Variants in SEMA5A observed in about 807,000 individuals in gnomAD.
The protein encoded by SEMA5A is semaphorin 5A.
A neutral mutation model predicts 135.5 loss-of-function variants in SEMA5A; 55 were observed. That is an observed-to-expected ratio of 0.41 (90% CI 0.33 to 0.51). The LOEUF is 0.51. SEMA5A is among the 20% of genes least tolerant of loss of function. SEMA5A has a pLI of 0.37. For missense variants in SEMA5A, 1,290 were observed against 1,419.9 expected, an observed-to-expected ratio of 0.91 and a Z score of 1.47; for synonymous variants, 580 against 546.5, an observed-to-expected ratio of 1.06 and a Z score of -0.85.
In SEMA5A at chr5:9,037,907, T is replaced by C. The variant is rs1229460337; in HGVS notation, c.*4990A>G. The stretch of plus-strand genomic sequence containing the variant: ...TGTCCCCAAACATTTTATCTTACAT[T>C]GTGCATGGCATTCCCTTTTATGCGT... On this transcript the variant is annotated 3_prime_UTR_variant, in exon 23 of 23. Transcript: ENST00000382496. 6.6e-6 allele frequency: 1 copy of C among 152,200 alleles called. No homozygotes were observed. The highest frequency in any genetic ancestry group is 1.5e-5 in the Non-Finnish European group (1 of 68,032). 9.4% of individuals were successfully genotyped at this position (152,200 alleles called of 1,614,324 possible).
intron 3 of SEMA5A, among the ~76,000 whole-genome samples, chr5:9,356,556 G>A (rs1459330374): frequency 6.6e-6 from 1 of 152,200 alleles, no homozygotes; most frequent in Non-Finnish European, 1.5e-5. Context: ...CAAGTTCAAA[G>A]GGACTTGTGT....
At chr5:9,410,871 AG>A (rs1757081624) in intron 2 of SEMA5A, among the ~76,000 whole-genome samples, 1 of 145,340 alleles carries the variant, frequency 6.9e-6, no homozygotes, top group African/African-American at 2.6e-5. Flanking sequence ...GAATAAAAGC[AG>A]GAAAAAAAAA....
chr5:9,446,902 C>T (rs3798023), intron 1 of SEMA5A, among the ~76,000 whole-genome samples: 27 of 152,270 alleles, frequency 1.8e-4, no homozygotes, highest in East Asian at 1.5e-3. Flanking sequence ...CATAGAAGAG[C>T]GAAATGCCGG....
chr5:9,122,814 C>T lies in SEMA5A; in HGVS notation c.1623G>A (p.Gly541=), dbSNP rs6894626. The T allele has an allele frequency of 0.083, 132,560 of 1,603,736 alleles. 9,957 individuals are homozygous for T. Among genetic ancestry groups the T allele is most frequent in the East Asian group, 0.35 (15,450 of 44,446 alleles). Reference sequence around the variant, plus strand: ...TCCACGGAGACCACACACCAAAGTGCCCATCCACGGTGAGATTCCTGGTCT... The same window carrying T: ...TCCACGGAGACCACACACCAAAGTGTCCATCCACGGTGAGATTCCTGGTCT... ...ACPTRNLTVD[G]HFGVWSPWTP... is the part of the protein sequence containing the mutation. Residue 541 remains glycine, a synonymous_variant, in exon 14 of 23, where the codon GGG becomes GGA. Coordinates refer to ENST00000382496, the MANE Select transcript of SEMA5A (RefSeq NM_003966.3).
chr5:9,346,677 C>G (rs1753885001), intron 3 of SEMA5A, among the ~76,000 whole-genome samples: 1 of 152,156 alleles, frequency 6.6e-6, no homozygotes, highest in Non-Finnish European at 1.5e-5. Flanking sequence ...GGAACTCACC[C>G]CTGCTAGTGC....
chr5:9,181,897 C>A (rs1238776425), intron 11 of SEMA5A, among the ~76,000 whole-genome samples: 1 of 151,886 alleles, frequency 6.6e-6, no homozygotes, highest in African/African-American at 2.4e-5. Flanking sequence ...GCCGCAGAGT[C>A]CCTCATCTAT....
chr5:9,404,365 TAAG>T (rs1756792831), intron 2 of SEMA5A, among the ~76,000 whole-genome samples: 2 of 152,208 alleles, frequency 1.3e-5, no homozygotes, highest in Admixed American at 6.5e-5. Context: ...GAAGTTAGAT[TAAG>T]AAGACATCAA....
intron 22 of SEMA5A, 167 bp from the exon 23 acceptor site, chr5:9,043,183 G>A: frequency 1.7e-6 from 1 of 604,162 alleles, no homozygotes. Context: ...GCCCCATGGA[G>A]GACTTGCCTA....
intron 10 of SEMA5A, among the ~76,000 whole-genome samples, chr5:9,190,715 TA>T (rs956006028): frequency 1.5e-4 from 22 of 151,654 alleles, no homozygotes; most frequent in Admixed American, 4.6e-4. Context: ...GATCAGAAGT[TA>T]AAAAAAAATT....
At position 9,131,630 on chromosome 5, in the gene SEMA5A, A is replaced by C. The variant is rs59186402; in HGVS notation, c.1599+4874T>G. On this transcript the variant is annotated intron_variant, in intron 13 of 22. Transcript: ENST00000382496. Reference sequence around the variant, plus strand: ...CTCAAAAAAAAAAAAAAAAAAAAAAAAAAAAAAAAAAAAAAAAAAAAAAAA... The same window carrying C: ...CTCAAAAAAAAAAAAAAAAAAAAAACAAAAAAAAAAAAAAAAAAAAAAAAA... 8.4e-4 allele frequency among the ~76,000 whole-genome samples: 67 copies of C among 80,116 alleles called. 3 individuals are homozygous for C. The highest frequency in any genetic ancestry group is 5.1e-3 in the Middle Eastern group (1 of 198). The allele number at this position is 80,116 out of a possible 152,430, so 52.6% of individuals were successfully genotyped here. A position where few individuals can be genotyped will look rare whatever the true frequency, so the allele number is the denominator to read the frequency against.
At chr5:9,267,434 T>C (rs1461989007) in intron 5 of SEMA5A, among the ~76,000 whole-genome samples, 1 of 152,174 alleles carries the variant, frequency 6.6e-6, no homozygotes, top group Non-Finnish European at 1.5e-5. Flanking sequence ...TTAAACTGAG[T>C]GACATCAATC....
At chr5:9,050,856 G>A (rs1475298074) in intron 20 of SEMA5A, among the ~76,000 whole-genome samples, 14 of 152,178 alleles carry the variant, frequency 9.2e-5, no homozygotes, top group Admixed American at 4.6e-4. Flanking sequence ...TCACCTTCCC[G>A]GCAGAGGGAG....
intron 14 of SEMA5A, among the ~76,000 whole-genome samples, chr5:9,121,832 G>T (rs1277702958): frequency 6.6e-6 from 1 of 152,184 alleles, no homozygotes; most frequent in Non-Finnish European, 1.5e-5. Flanking sequence ...CCTCTTAGGT[G>T]CATGTGCCTG....
chr5:9,305,727 T>TA (rs398108587), intron 5 of SEMA5A, among the ~76,000 whole-genome samples: 2,901 of 106,598 alleles, frequency 0.027, 127 homozygotes, highest in African/African-American at 0.1. Flanking sequence ...TATATATATA[T>TA]TTACACGCAC....
Position 9,404,489 on chromosome 5 carries a change from T to A in SEMA5A, c.-77-24466A>T, listed in dbSNP as rs1226201798. On this transcript the variant is annotated intron_variant, in intron 2 of 22. Coordinates refer to ENST00000382496, the MANE Select transcript of SEMA5A (RefSeq NM_003966.3). ...CATATCGCAGCCTGGGTGCCCATAATCTTCTAATACCAGTAATAAATCTTT... is the reference window on the plus strand; with the variant it reads ...CATATCGCAGCCTGGGTGCCCATAAACTTCTAATACCAGTAATAAATCTTT... Among the ~76,000 whole-genome samples the A allele has an allele frequency of 2.0e-5, 3 of 152,210 alleles. No individual in the cohort carries two copies. In the East Asian group the frequency reaches 5.8e-4, roughly 29 times the overall value.
At chr5:9,230,618 G>A (rs1193120168) in intron 6 of SEMA5A, among the ~76,000 whole-genome samples, 2 of 152,150 alleles carry the variant, frequency 1.3e-5, no homozygotes, top group Non-Finnish European at 2.9e-5. Context: ...CGGAGTGAGT[G>A]TGTGGAAAAA....
At chr5:9,093,544 TAA>T (rs1217625327) in intron 16 of SEMA5A, among the ~76,000 whole-genome samples, 3 of 151,814 alleles carry the variant, frequency 2.0e-5, no homozygotes, top group Non-Finnish European at 4.4e-5. Flanking sequence ...CCGTCTCTAC[TAA>T]AAATATAAAA....
chr5:9,199,647 A>G (rs540804361), intron 9 of SEMA5A, among the ~76,000 whole-genome samples: 2 of 152,184 alleles, frequency 1.3e-5, no homozygotes, highest in African/African-American at 4.8e-5. Flanking sequence ...ATAACTTACA[A>G]GAGCAATAAA....
Position 9,224,789 on chromosome 5 carries a change from C to T in SEMA5A, c.531G>A (p.Gly177=), listed in dbSNP as rs183868484. 1.9e-6 allele frequency: 3 copies of T among 1,614,108 alleles called. No individual in the cohort carries two copies. Among genetic ancestry groups the T allele is most frequent in the Middle Eastern group, 1.6e-4 (1 of 6,062 alleles). ...CCATGGCTGTAGCAGCATAGAGCTC[C>T]CCACCAGCTGTGAGGAGCGCTGTGG... ...HNSTALLTAG[G]ELYAATAMDF... is the part of the protein sequence containing the mutation. Residue 177 remains glycine, a synonymous_variant, in exon 8 of 23, where the codon GGG becomes GGA. Transcript: ENST00000382496.
Sources: allele counts gnomAD v4.1 joint callset (sites outside exome capture counted in the v4.1 genomes callset), GRCh38; gene constraint gnomAD v4.1.1; transcripts MANE v1.5; gene names NCBI Gene and HGNC (gene_info 2026-07-23, HGNC 2026-07-21).